The following FBRSL1 variants were observed in gnomAD, a reference collection of about 807,000 sequenced individuals.
The protein encoded by FBRSL1 is fibrosin-1-like protein.
A neutral mutation model predicts 89.6 loss-of-function variants in FBRSL1; 51 were observed. The observed-to-expected ratio is 0.57, with a 90% CI of 0.45 to 0.72. FBRSL1 has a LOEUF of 0.72. Among genes scored for constraint, FBRSL1 ranks in the 30% least tolerant of loss-of-function variants. The pLI, the probability that FBRSL1 is intolerant of heterozygous loss-of-function variation, is 0.00. For missense variants in FBRSL1, 1,618 were observed against 1,451.8 expected (o/e 1.11, Z -1.86); for synonymous variants, 779 against 681.1 (o/e 1.14, Z -2.24).
Position 132,534,691 on chromosome 12 carries a change from T to G in FBRSL1, c.615+6703T>G, listed in dbSNP as rs541801970. ...GGTCTCCTGGGGATGGTGGCTGGGC[T>G]GGGTGGAGGGTTCAGGGTGGCTTTG... On this transcript the variant is annotated intron_variant, in intron 4 of 18. Transcript: ENST00000680143. 2.0e-5 allele frequency among the ~76,000 whole-genome samples: 3 copies of G among 152,360 alleles called. No individual in the cohort carries two copies. The South Asian group carries it at 6.2e-4, about 32-fold the overall frequency.
chr12:132,581,084 C>CT, intron 15 of FBRSL1: 1 of 985,470 alleles, frequency 1.0e-6, no homozygotes, highest in Non-Finnish European at 1.2e-6. Context: ...GGTGAAAGCT[C>CT]TGAGATAAAG....
At position 132,510,541 on chromosome 12, in the gene FBRSL1, CG is replaced by C. The variant is rs1286479843; in HGVS notation, c.489+2194del. On this transcript the variant is annotated intron_variant, in intron 2 of 18. Coordinates refer to ENST00000680143, the MANE Select transcript of FBRSL1 (RefSeq NM_001367871.1). ...CAAGGGCCAAGGCCGCATTGCCCTT[CG>C]GGCTGGAGATGCTTTGCCGGACTAG... is the stretch of plus-strand genomic sequence containing the variant. The C allele has an allele frequency of 2.4e-6, 3 of 1,231,218 alleles. No individual in the cohort carries two copies. In the African/African-American group the frequency reaches 4.7e-5, roughly 19 times the overall value. The allele number at this position is 1,231,218 out of a possible 1,614,324, so 76.3% of individuals were successfully genotyped here.
chr12:132,521,325 G>A (rs1387028519), intron 2 of FBRSL1, among the ~76,000 whole-genome samples: 2 of 152,210 alleles, frequency 1.3e-5, no homozygotes, highest in African/African-American at 4.8e-5. Flanking sequence ...CTCCGCCTCT[G>A]CATACCTGTG....
chr12:132,551,027 C>A, intron 5 of FBRSL1: 1 of 248,572 alleles, frequency 4.0e-6, no homozygotes, highest in Non-Finnish European at 8.1e-6. Context: ...CCTCCCTACC[C>A]GCTGGGAGCA....
intron 14 of FBRSL1, 55 bp downstream of exon 14, chr12:132,574,619 G>T: frequency 1.3e-6 from 2 of 1,526,286 alleles, no homozygotes; most frequent in South Asian, 2.5e-5. Context: ...CAGCCTGGTC[G>T]GGCCCTGAAG....
intron 1 of FBRSL1, among the ~76,000 whole-genome samples, chr12:132,497,793 C>G (rs2032287361): frequency 6.6e-6 from 1 of 152,212 alleles, no homozygotes; most frequent in Non-Finnish European, 1.5e-5. Context: ...GCCATGTGGC[C>G]CATGACAAAG....
chr12:132,508,401 C>T lies in FBRSL1; in HGVS notation c.489+51C>T, dbSNP rs892716141. The T allele has an allele frequency of 4.2e-5, 61 of 1,437,606 alleles. No individual in the cohort carries two copies. In the Middle Eastern group the frequency reaches 1.5e-3, roughly 36 times the overall value. The allele number at this position is 1,437,606 out of a possible 1,614,324, so 89.1% of individuals were successfully genotyped here. On this transcript the variant is annotated intron_variant, in intron 2 of 18. Transcript: ENST00000680143. ...AGCTCTGCGGCGGGTCAGTGCTCACCGCCCCAGGGCCATGCCAGCACCTGG... is the reference window on the plus strand; with the variant it reads ...AGCTCTGCGGCGGGTCAGTGCTCACTGCCCCAGGGCCATGCCAGCACCTGG...
At chr12:132,573,606 A>G (rs1229047345) in intron 11 of FBRSL1, among the ~76,000 whole-genome samples, 1 of 152,162 alleles carries the variant, frequency 6.6e-6, no homozygotes, top group Non-Finnish European at 1.5e-5. Flanking sequence ...CCCCGAGCAC[A>G]GCTGCTTCTG....
At chr12:132,498,624 C>T (rs999757097) in intron 1 of FBRSL1, among the ~76,000 whole-genome samples, 1 of 152,262 alleles carries the variant, frequency 6.6e-6, no homozygotes, top group African/African-American at 2.4e-5. Flanking sequence ...GTCCAGATCC[C>T]CTGGGAGCTT....
chr12:132,571,036 G>A, intron 8 of FBRSL1, 32 bp from the exon 9 acceptor site: 1 of 1,289,270 alleles, frequency 7.8e-7, no homozygotes, highest in Non-Finnish European at 9.8e-7. Flanking sequence ...GGCTCCCGGG[G>A]AGGGGCTCAC....
chr12:132,537,822 C>T (rs1475948192), intron 4 of FBRSL1, among the ~76,000 whole-genome samples: 6 of 152,206 alleles, frequency 3.9e-5, no homozygotes, highest in African/African-American at 1.4e-4. Flanking sequence ...CCCCATGGAT[C>T]CTTGGGAACA....
chr12:132,578,368 A>ACACACACACACACACACACAC (rs1566244750), intron 15 of FBRSL1, among the ~76,000 whole-genome samples: 9 of 26,548 alleles, frequency 3.4e-4, no homozygotes, highest in Admixed American at 3.3e-3. Context: ...CACACACACA[A>ACACACACACACACACACACAC]AATCATAGAG....
At chr12:132,498,987 G>A (rs562582330) in intron 1 of FBRSL1, among the ~76,000 whole-genome samples, 16 of 152,288 alleles carry the variant, frequency 1.1e-4, no homozygotes, top group East Asian at 5.8e-4. Flanking sequence ...CTCTCACCAC[G>A]GCAGGCTGGG....
intron 9 of FBRSL1, chr12:132,571,538 C>A: frequency 6.8e-7 from 1 of 1,466,794 alleles, no homozygotes. Flanking sequence ...CGTAGGCCCG[C>A]GTGCTGGCAG....
At chr12:132,497,628 C>T (rs2032256770) in intron 1 of FBRSL1, among the ~76,000 whole-genome samples, 1 of 152,202 alleles carries the variant, frequency 6.6e-6, no homozygotes, top group Non-Finnish European at 1.5e-5. Context: ...CCCCAGGCCT[C>T]CTGCCCCTGT....
intron 1 of FBRSL1, 46 bp from the exon 2 acceptor site, chr12:132,508,107 C>A: frequency 6.5e-7 from 1 of 1,545,664 alleles, no homozygotes; most frequent in Non-Finnish European, 8.7e-7. Flanking sequence ...GGGCCCAAGG[C>A]CCTGGGGTCC....
chr12:132,502,350 C>T (rs748997508), intron 1 of FBRSL1, among the ~76,000 whole-genome samples: 1 of 152,234 alleles, frequency 6.6e-6, no homozygotes, highest in Non-Finnish European at 1.5e-5. Context: ...CCACCTCAGC[C>T]CTCCACCCCC....
intron 1 of FBRSL1, among the ~76,000 whole-genome samples, chr12:132,505,868 C>G (rs1438250417): frequency 5.3e-5 from 8 of 152,278 alleles, no homozygotes; most frequent in Non-Finnish European, 1.2e-4. Flanking sequence ...CTTAAGGTAG[C>G]AGGCGAAGCG....
chr12:132,536,665 C>T (rs1217420333), intron 4 of FBRSL1, among the ~76,000 whole-genome samples: 2 of 148,698 alleles, frequency 1.3e-5, no homozygotes, highest in African/African-American at 5.0e-5. Flanking sequence ...GACCTCATGC[C>T]ATGTGTACAT....
Sources: allele counts gnomAD v4.1 joint callset (sites outside exome capture counted in the v4.1 genomes callset), GRCh38; gene constraint gnomAD v4.1.1; transcripts MANE v1.5; gene names NCBI Gene and HGNC (gene_info 2026-07-23, HGNC 2026-07-21).